DNER: variants seen among roughly 807,000 people sequenced by gnomAD.
The protein encoded by DNER is delta/notch like EGF repeat containing.
Under a neutral mutation model 78.2 loss-of-function variants are expected in DNER, and 33 were observed. The observed-to-expected ratio is 0.42, with a 90% CI of 0.32 to 0.56. The LOEUF is 0.56. Among genes scored for constraint, DNER ranks in the 20% least tolerant of loss-of-function variants. The probability of loss-of-function intolerance (pLI) is 0.11; values close to 1 mark genes in which losing one functional copy is unlikely to be tolerated. For missense variants in DNER, 918 were observed against 975.3 expected, an observed-to-expected ratio of 0.94 and a Z score of 0.78; for synonymous variants, 417 against 384.8, an observed-to-expected ratio of 1.08 and a Z score of -0.98.
intron 1 of DNER, among the ~76,000 whole-genome samples, chr2:229,627,470 T>A (rs1698364329): frequency 6.6e-6 from 1 of 152,038 alleles, no homozygotes; most frequent in Non-Finnish European, 1.5e-5. Context: ...TTTCTAGACT[T>A]CTGGTTTAGT....
chr2:229,614,945 A>G (rs950733468), intron 1 of DNER, among the ~76,000 whole-genome samples: 5 of 152,328 alleles, frequency 3.3e-5, no homozygotes, highest in Admixed American at 2.0e-4. Flanking sequence ...TTAGGAACTA[A>G]TCTACGAAGA....
intron 8 of DNER, among the ~76,000 whole-genome samples, chr2:229,420,586 G>A (rs1052711163): frequency 1.3e-5 from 2 of 152,070 alleles, no homozygotes; most frequent in African/African-American, 4.8e-5. Context: ...TCCATTTTGA[G>A]TTGGCAGTTA....
At chr2:229,496,070 CCTCA>C in intron 6 of DNER, among the ~76,000 whole-genome samples, 2 of 152,146 alleles carry the variant, frequency 1.3e-5, no homozygotes, top group African/African-American at 4.8e-5. Flanking sequence ...TTTAAAGAGA[CCTCA>C]AAGCTTCTGA....
intron 4 of DNER, among the ~76,000 whole-genome samples, chr2:229,551,393 G>A (rs1363736311): frequency 6.6e-6 from 1 of 152,170 alleles, no homozygotes; most frequent in East Asian, 1.9e-4. Context: ...CAGCACTTTG[G>A]GAGGCAGAGG....
At chr2:229,593,573 G>A (rs1156256291) in intron 1 of DNER, among the ~76,000 whole-genome samples, 1 of 152,202 alleles carries the variant, frequency 6.6e-6, no homozygotes, top group African/African-American at 2.4e-5. Context: ...CAGGAACACA[G>A]ACTGTATGAT....
chr2:229,554,064 T>C (rs1176314330), intron 4 of DNER, among the ~76,000 whole-genome samples: 1 of 152,192 alleles, frequency 6.6e-6, no homozygotes, highest in African/African-American at 2.4e-5. Flanking sequence ...TCTTCAAAAC[T>C]AAGATGCCTT....
chr2:229,672,287 CACT>C, intron 1 of DNER, among the ~76,000 whole-genome samples: 1 of 152,180 alleles, frequency 6.6e-6, no homozygotes, highest in East Asian at 1.9e-4. Context: ...GACAGCCGGG[CACT>C]CAGCATCTCT....
At chr2:229,365,243 G>A (rs1347557815) in intron 12 of DNER, among the ~76,000 whole-genome samples, 1 of 152,130 alleles carries the variant, frequency 6.6e-6, no homozygotes, top group African/African-American at 2.4e-5. Context: ...GACTGCAGCT[G>A]ACTCTTAGGC....
chr2:229,415,557 CA>C (rs1328661972), intron 9 of DNER, among the ~76,000 whole-genome samples: 1 of 152,232 alleles, frequency 6.6e-6, no homozygotes, highest in East Asian at 1.9e-4. Flanking sequence ...TTACCATTCA[CA>C]ATCACATAAA....
chr2:229,569,911 G>A (rs1465847165), intron 4 of DNER, among the ~76,000 whole-genome samples: 1 of 152,040 alleles, frequency 6.6e-6, no homozygotes, highest in African/African-American at 2.4e-5. Context: ...TGTATTCTAC[G>A]AAATATGATC....
chr2:229,615,418 A>AG (rs1698135474), intron 1 of DNER, among the ~76,000 whole-genome samples: 1 of 145,170 alleles, frequency 6.9e-6, no homozygotes, highest in African/African-American at 2.6e-5. Flanking sequence ...TCTTAAAAAA[A>AG]AAAAAAAAAG....
At chr2:229,638,923 C>G (rs1279384712) in intron 1 of DNER, among the ~76,000 whole-genome samples, 1 of 152,208 alleles carries the variant, frequency 6.6e-6, no homozygotes, top group East Asian at 1.9e-4. Context: ...AAGGCCAGGT[C>G]TCCAGGCTTC....
intron 7 of DNER, among the ~76,000 whole-genome samples, chr2:229,472,425 A>C (rs1271455530): frequency 3.9e-5 from 6 of 152,080 alleles, no homozygotes; most frequent in Non-Finnish European, 7.4e-5. Flanking sequence ...TTTATTCTTT[A>C]TTAATTTATG....
At position 229,686,435 on chromosome 2, in the gene DNER, T is replaced by C. The variant is rs1043874872; in HGVS notation, c.276+27713A>G. Among the ~76,000 whole-genome samples the C allele has an allele frequency of 5.9e-4, 90 of 152,262 alleles. 1 individual carries two copies. The highest frequency in any genetic ancestry group is 2.0e-3 in the African/African-American group (83 of 41,530). On this transcript the variant is annotated intron_variant, in intron 1 of 12. Transcript: ENST00000341772. ...TGGAATGGTCCAGGAAAGACACAGC[T>C]CTGGCCAACCTGACTTAGCCTGGGG...
intron 1 of DNER, among the ~76,000 whole-genome samples, chr2:229,710,643 G>C (rs961077881): frequency 2.6e-5 from 4 of 152,070 alleles, no homozygotes; most frequent in Admixed American, 2.0e-4. Flanking sequence ...TTTAAAATCA[G>C]CTGAATTTCT....
At chr2:229,453,920 T>TAAA (rs10602558) in intron 7 of DNER, among the ~76,000 whole-genome samples, 33 of 106,844 alleles carry the variant, frequency 3.1e-4, no homozygotes, top group African/African-American at 6.3e-4. Context: ...TAAAATATAT[T>TAAA]AAAAAAAAAA....
Position 229,358,284 on chromosome 2 carries a change from A to G in DNER, c.*256T>C, listed in dbSNP as rs1366976836. On this transcript the variant is annotated 3_prime_UTR_variant, in exon 13 of 13. Transcript: ENST00000341772. ...ATCTGGGTCTCGTGATAGTGTCTACAGTGAAAAGAGCACACACTAGTAGAA... is the reference window on the plus strand; with the variant it reads ...ATCTGGGTCTCGTGATAGTGTCTACGGTGAAAAGAGCACACACTAGTAGAA... 1 of 248,150 alleles carries G rather than the reference A, an allele frequency of 4.0e-6. No individual in the cohort carries two copies. The allele number at this position is 248,150 out of a possible 1,614,324, so 15.4% of individuals were successfully genotyped here.
At chr2:229,494,129 G>A (rs887439816) in intron 6 of DNER, among the ~76,000 whole-genome samples, 1 of 152,194 alleles carries the variant, frequency 6.6e-6, no homozygotes. Flanking sequence ...TCAGTTCACA[G>A]CATTCCACCT....
chr2:229,439,473 A>G (rs1025397703), intron 8 of DNER, among the ~76,000 whole-genome samples: 3 of 152,194 alleles, frequency 2.0e-5, no homozygotes, highest in Non-Finnish European at 2.9e-5. Context: ...ATAGAGGCCA[A>G]TGGCACAGCT....
Sources: allele counts gnomAD v4.1 joint callset (sites outside exome capture counted in the v4.1 genomes callset), GRCh38; gene constraint gnomAD v4.1.1; transcripts MANE v1.5; gene names NCBI Gene and HGNC (gene_info 2026-07-23, HGNC 2026-07-21).